The following TTL variants were observed in gnomAD, a reference collection of about 807,000 sequenced individuals.
TTL encodes tubulin--tyrosine ligase.
Under a neutral mutation model 41.1 loss-of-function variants are expected in TTL, and 10 were observed. That is an observed-to-expected ratio of 0.24 (90% CI 0.15 to 0.41). The LOEUF (loss-of-function observed/expected upper bound fraction) is 0.41, where lower values mean the gene tolerates loss of function less well. TTL is among the 10% of genes least tolerant of loss of function. The pLI, the probability that TTL is intolerant of heterozygous loss-of-function variation, is 1.00. For missense variants in TTL, 367 were observed against 460.4 expected (o/e 0.80, Z 1.86); for synonymous variants, 175 against 175.5 (o/e 1.00, Z 0.02).
rs984536914 is a variant in TTL at position 112,482,245 on chromosome 2, G to A, written c.-100G>A. On this transcript the variant is annotated 5_prime_UTR_variant, in exon 1 of 7. Transcript: ENST00000233336. This position sits in a 1 kb window ranked among gnomAD's most constrained non-coding sequence, Gnocchi z 5.3. Reference sequence around the variant, plus strand: ...AGCCGGCGCGGGCGGCGGGGGCCGGGCCGCGGCGGGCGCCCGGGCGGGGTC... The same window carrying A: ...AGCCGGCGCGGGCGGCGGGGGCCGGACCGCGGCGGGCGCCCGGGCGGGGTC... 5.4e-5 allele frequency: 49 copies of A among 900,442 alleles called. No individual in the cohort carries two copies. Among genetic ancestry groups the A allele is most frequent in the Middle Eastern group, 5.6e-4 (1 of 1,798 alleles). 55.8% of individuals were successfully genotyped at this position (900,442 alleles called of 1,614,324 possible).
chr2:112,500,588 CAA>C (rs1473771313), intron 3 of TTL, among the ~76,000 whole-genome samples: 8 of 152,156 alleles, frequency 5.3e-5, no homozygotes, highest in Non-Finnish European at 8.8e-5. Context: ...AACAAACAAA[CAA>C]AGAAATAACA....
intron 2 of TTL, among the ~76,000 whole-genome samples, chr2:112,486,902 T>A (rs1485383737): frequency 1.3e-5 from 2 of 152,242 alleles, no homozygotes; most frequent in Non-Finnish European, 2.9e-5. Context: ...AAGGTTGTTA[T>A]GAGGATTAAT....
At chr2:112,512,301 C>T (rs1305821210) in intron 5 of TTL, among the ~76,000 whole-genome samples, 7 of 149,984 alleles carry the variant, frequency 4.7e-5, no homozygotes, top group South Asian at 4.2e-4. Context: ...CTCACTCTGT[C>T]GCTCAGGCTG....
intron 2 of TTL, among the ~76,000 whole-genome samples, chr2:112,488,713 A>G (rs1462388732): frequency 3.3e-5 from 5 of 151,430 alleles, no homozygotes; most frequent in Non-Finnish European, 2.9e-5. Flanking sequence ...AGCCGAGATC[A>G]TGCCACTGCA....
chr2:112,495,682 C>T (rs1244649762), intron 3 of TTL, among the ~76,000 whole-genome samples: 1 of 152,036 alleles, frequency 6.6e-6, no homozygotes, highest in Non-Finnish European at 1.5e-5. Flanking sequence ...CCCGTCTCTA[C>T]TAAAAATACA....
chr2:112,501,705 T>C (rs983281957), intron 4 of TTL, among the ~76,000 whole-genome samples: 18 of 151,650 alleles, frequency 1.2e-4, no homozygotes, highest in Non-Finnish European at 2.5e-4. Context: ...CCGTCTCTAG[T>C]AAAAATACAA....
In TTL at chr2:112,482,318, G is replaced by C. The variant is rs1482394332; in HGVS notation, c.-27G>C. ...CGCCTGGTCCCTGCGGCGGCTGCCC[G>C]GCGGCCCGGGCGCGCGGCGCTTCGC... On this transcript the variant is annotated 5_prime_UTR_variant, in exon 1 of 7. Transcript: ENST00000233336. This position sits in a 1 kb window ranked among gnomAD's most constrained non-coding sequence, Gnocchi z 5.3. The C allele has an allele frequency of 1.1e-5, 16 of 1,465,226 alleles. No individual in the cohort carries two copies. The East Asian group carries it at 3.6e-4, about 33-fold the overall frequency. The allele number at this position is 1,465,226 out of a possible 1,614,324, so 90.8% of individuals were successfully genotyped here.
In TTL at chr2:112,520,493, T is replaced by TAC; in HGVS notation, c.1019+70_1019+71dup. 6 of 1,585,206 alleles carry TAC rather than the reference T, an allele frequency of 3.8e-6. No homozygotes were observed. The South Asian group carries it at 6.8e-5, about 18-fold the overall frequency. On this transcript the variant is annotated intron_variant, in intron 6 of 6. Transcript: ENST00000233336. Reference sequence around the variant, plus strand: ...TTCTGCAGTTGGGATAGTCTGTGGGTACAAGTGTAGTCACTTTGACTGCTG... The same window carrying TAC: ...TTCTGCAGTTGGGATAGTCTGTGGGTACACAAGTGTAGTCACTTTGACTGCTG...
intron 2 of TTL, among the ~76,000 whole-genome samples, chr2:112,489,287 G>A (rs995861991): frequency 2.0e-5 from 3 of 152,044 alleles, no homozygotes; most frequent in Non-Finnish European, 4.4e-5. Flanking sequence ...GGAAAGCTTT[G>A]ATCTGAATTT....
intron 4 of TTL, among the ~76,000 whole-genome samples, chr2:112,502,118 A>AGGTT (rs755802469): frequency 1.4e-4 from 22 of 152,134 alleles, no homozygotes; most frequent in Non-Finnish European, 3.1e-4. Context: ...ATGGAGAAAG[A>AGGTT]GGTTGTGTGG....
chr2:112,523,289 A>C (rs887586044), intron 6 of TTL, among the ~76,000 whole-genome samples: 3 of 151,894 alleles, frequency 2.0e-5, no homozygotes, highest in African/African-American at 7.3e-5. Flanking sequence ...AGTTTCCTTC[A>C]TTGCACTAAC....
At chr2:112,493,978 A>AGCT (rs1681460411) in intron 2 of TTL, among the ~76,000 whole-genome samples, 165 bp from the exon 3 acceptor site, 1 of 152,210 alleles carries the variant, frequency 6.6e-6, no homozygotes, top group East Asian at 1.9e-4. Context: ...CTCCCCAATA[A>AGCT]CGCATTTGAG....
rs756476815 is a variant in TTL at position 112,494,168 on chromosome 2, G to T, written c.262G>T (p.Ala88Ser). Residue 88 changes from alanine (A) to serine (S), a missense_variant, in exon 3 of 7, where the codon GCT becomes TCT. Ala to Ser is a moderately conservative substitution (Grantham distance 99, BLOSUM62 1). Coordinates refer to ENST00000233336, the MANE Select transcript of TTL (RefSeq NM_153712.5). Reference protein sequence around the residue: ...VKLIKTSPELAESCTWFPESY... With the variant: ...VKLIKTSPELSESCTWFPESY... ...GCTAATCAAGACAAGCCCTGAACTGGCTGAGTCCTGCACATGGTTCCCTGA... is the reference window on the plus strand; with the variant it reads ...GCTAATCAAGACAAGCCCTGAACTGTCTGAGTCCTGCACATGGTTCCCTGA... 6 of 1,614,020 alleles carry T rather than the reference G, an allele frequency of 3.7e-6. No homozygotes were observed. In the African/African-American group the frequency reaches 6.7e-5, roughly 18 times the overall value.
chr2:112,520,130 C>G, intron 5 of TTL, 152 bp from the exon 6 acceptor site: 2 of 501,692 alleles, frequency 4.0e-6, no homozygotes, highest in Non-Finnish European at 3.0e-6. Context: ...AACTCCGTCT[C>G]AAAAAAAAAA....
At chr2:112,499,964 A>G (rs1483884556) in intron 3 of TTL, among the ~76,000 whole-genome samples, 1 of 152,216 alleles carries the variant, frequency 6.6e-6, no homozygotes, top group Non-Finnish European at 1.5e-5. Context: ...GAGGCAGACA[A>G]GAATGGAACC....
chr2:112,518,055 C>T (rs1017051130), intron 5 of TTL, among the ~76,000 whole-genome samples: 4 of 151,658 alleles, frequency 2.6e-5, no homozygotes, highest in South Asian at 2.1e-4. Context: ...CTGCCTCCCA[C>T]GTTCAAGCGA....
chr2:112,492,274 G>A lies in TTL; in HGVS notation c.237-1869G>A, dbSNP rs186597983. Among the ~76,000 whole-genome samples, 233 of 152,318 alleles carry A rather than the reference G, an allele frequency of 1.5e-3. 3 individuals are homozygous for A. The highest frequency in any genetic ancestry group is 1.8e-3 in the African/African-American group (74 of 41,576). On this transcript the variant is annotated intron_variant, in intron 2 of 6. Transcript: ENST00000233336. ...TGGAAAAATATTTTATAATGCATCC[G>A]TTTTTAAATTAAAGGCAAATTAAAT...
chr2:112,486,548 C>T (rs1414843270), intron 2 of TTL, among the ~76,000 whole-genome samples: 1 of 152,196 alleles, frequency 6.6e-6, no homozygotes, highest in Non-Finnish European at 1.5e-5. Flanking sequence ...TAAGGGGTCC[C>T]TCAGAAAGGA....
In TTL at chr2:112,501,243, T is replaced by G; in HGVS notation, c.507T>G (p.Leu169=). The change falls in exon 4 of 7, where the codon CTT becomes CTG. Residue 169 remains leucine, a synonymous_variant. Transcript: ENST00000233336. ...TCATCTCCTCAGAGGCTTCAGAGCT[T>G]CTCGATTTCATAGACAACCAGGGCC... The part of the protein sequence containing the change: ...GILISSEASE[L]LDFIDNQGQV... 2 of 1,613,858 alleles carry G rather than the reference T, an allele frequency of 1.2e-6. No homozygotes were observed. Among genetic ancestry groups the G allele is most frequent in the Non-Finnish European group, 1.7e-6 (2 of 1,179,806 alleles).
Sources: allele counts gnomAD v4.1 joint callset (sites outside exome capture counted in the v4.1 genomes callset), GRCh38; gene constraint gnomAD v4.1.1; non-coding constraint Gnocchi (gnomAD v3.1); transcripts MANE v1.5; gene names NCBI Gene and HGNC (gene_info 2026-07-23, HGNC 2026-07-21).